PTPRD: variants seen among roughly 807,000 people sequenced by gnomAD.
PTPRD encodes the protein protein tyrosine phosphatase receptor type D, also known as receptor-type tyrosine-protein phosphatase delta.
PTPRD carries 34 observed loss-of-function variants against 214.5 expected under a neutral mutation model. The ratio of observed to expected loss-of-function variants is 0.16; its 90% CI spans 0.12 to 0.21. The LOEUF is 0.21. PTPRD is among the 10% of genes least tolerant of loss of function. PTPRD has a pLI of 1.00. For missense variants in PTPRD, 2,545 were observed against 2,398.7 expected (o/e 1.06, Z -1.27); for synonymous variants, 1,128 against 845.7 (o/e 1.33, Z -5.79).
chr9:9,955,525 TG>T (rs1193054892), intron 4 of PTPRD, among the ~76,000 whole-genome samples: 5 of 137,538 alleles, frequency 3.6e-5, no homozygotes, highest in South Asian at 2.4e-4. Context: ...TGTTTTGTTT[TG>T]TTTTTTTTTT....
chr9:10,197,754 G>T (rs772926656), intron 3 of PTPRD, among the ~76,000 whole-genome samples: 11 of 152,126 alleles, frequency 7.2e-5, no homozygotes, highest in South Asian at 4.1e-4. Context: ...TTATAGAGAA[G>T]AATTTTTATT....
At chr9:9,959,541 G>T (rs1363629617) in intron 4 of PTPRD, among the ~76,000 whole-genome samples, 1 of 152,064 alleles carries the variant, frequency 6.6e-6, no homozygotes, top group South Asian at 2.1e-4. Flanking sequence ...AACTTCCTAT[G>T]GCAAGAGAAT....
At chr9:9,669,266 T>G (rs1242855678) in intron 7 of PTPRD, among the ~76,000 whole-genome samples, 3 of 152,144 alleles carry the variant, frequency 2.0e-5, no homozygotes, top group Admixed American at 2.0e-4. Context: ...ACCTCTACAG[T>G]TGGCGAGATA....
At chr9:8,641,058 C>T (rs1257506515) in intron 12 of PTPRD, among the ~76,000 whole-genome samples, 1 of 148,364 alleles carries the variant, frequency 6.7e-6, no homozygotes, top group Non-Finnish European at 1.5e-5. Context: ...ACACACATCA[C>T]CCACTTCCCT....
intron 11 of PTPRD, chr9:8,963,210 C>G (rs752011790): frequency 5.3e-5 from 8 of 151,984 alleles, no homozygotes; most frequent in Non-Finnish European, 1.2e-4. Flanking sequence ...TTTGGGAATA[C>G]TTGATGAAAG....
chr9:10,425,960 C>T (rs1260430816), intron 2 of PTPRD, among the ~76,000 whole-genome samples: 2 of 151,812 alleles, frequency 1.3e-5, no homozygotes, highest in African/African-American at 2.4e-5. Context: ...AGAATATATA[C>T]ATATACACAC....
At chr9:10,517,007 T>C (rs568913223) in intron 2 of PTPRD, among the ~76,000 whole-genome samples, 1 of 152,156 alleles carries the variant, frequency 6.6e-6, no homozygotes, top group East Asian at 1.9e-4. Flanking sequence ...GGAATTTCAA[T>C]GCTTTCAATT....
chr9:8,613,923 T>C (rs1056943458), intron 14 of PTPRD, among the ~76,000 whole-genome samples: 2 of 151,840 alleles, frequency 1.3e-5, no homozygotes, highest in Non-Finnish European at 1.5e-5. Context: ...CTAGCTCTTA[T>C]CAAAGAAGAG....
intron 7 of PTPRD, among the ~76,000 whole-genome samples, chr9:9,582,846 G>C (rs1340864039): frequency 6.6e-6 from 1 of 151,878 alleles, no homozygotes; most frequent in Non-Finnish European, 1.5e-5. Flanking sequence ...TATAATCTTT[G>C]TCTTCCATTG....
intron 34 of PTPRD, among the ~76,000 whole-genome samples, chr9:8,445,606 C>T (rs918979182): frequency 7.2e-5 from 11 of 152,104 alleles, no homozygotes; most frequent in Non-Finnish European, 1.6e-4. Flanking sequence ...TAGATTGGTC[C>T]TAACACTATG....
chr9:8,674,666 C>T (rs2097363881), intron 12 of PTPRD, among the ~76,000 whole-genome samples: 1 of 152,054 alleles, frequency 6.6e-6, no homozygotes, highest in Non-Finnish European at 1.5e-5. Flanking sequence ...CTTCTAACAG[C>T]ACTTTTATAA....
At chr9:8,695,120 G>T (rs2154385277) in intron 12 of PTPRD, among the ~76,000 whole-genome samples, 1 of 152,148 alleles carries the variant, frequency 6.6e-6, no homozygotes. Context: ...CCTTAGACTG[G>T]TTCCTCTCAT....
chr9:9,460,083 G>T (rs149236160), intron 8 of PTPRD, among the ~76,000 whole-genome samples: 1 of 151,974 alleles, frequency 6.6e-6, no homozygotes, highest in African/African-American at 2.4e-5. Flanking sequence ...TGACAAAAAT[G>T]AACAATGGGG....
At chr9:9,694,500 G>T (rs553101830) in intron 7 of PTPRD, among the ~76,000 whole-genome samples, 9 of 152,060 alleles carry the variant, frequency 5.9e-5, no homozygotes, top group Admixed American at 5.2e-4. Context: ...ACTGTGCTGG[G>T]TCAGATCTGA....
chr9:10,364,818 G>T (rs547724313), intron 2 of PTPRD, among the ~76,000 whole-genome samples: 2 of 152,000 alleles, frequency 1.3e-5, no homozygotes, highest in Non-Finnish European at 2.9e-5. Context: ...ATTACCATAC[G>T]ATATCTATAT....
intron 9 of PTPRD, among the ~76,000 whole-genome samples, chr9:9,344,297 G>A (rs1426424587): frequency 6.6e-6 from 1 of 151,826 alleles, no homozygotes; most frequent in African/African-American, 2.4e-5. Context: ...TGGACACAGG[G>A]AGGGGGCATC....
chr9:10,110,571 T>C (rs2098681782), intron 3 of PTPRD, among the ~76,000 whole-genome samples: 1 of 152,138 alleles, frequency 6.6e-6, no homozygotes, highest in Non-Finnish European at 1.5e-5. Context: ...TGAGAAAGTT[T>C]GGTTGCCTGA....
chr9:9,000,494 C>G (rs553853105), intron 11 of PTPRD, among the ~76,000 whole-genome samples: 1 of 151,932 alleles, frequency 6.6e-6, no homozygotes, highest in East Asian at 1.9e-4. Context: ...CTTTAAGAAA[C>G]TTTAACCTAT....
chr9:10,444,567 T>A (rs59499711), intron 2 of PTPRD, among the ~76,000 whole-genome samples: 1,543 of 151,892 alleles, frequency 0.01, 22 homozygotes, highest in African/African-American at 0.029. Flanking sequence ...GAATGAATAT[T>A]CCACTAAAGA....
Sources: gnomAD v4.1 joint callset for allele counts (sites outside exome capture counted in the v4.1 genomes callset) on GRCh38, gnomAD v4.1.1 for gene constraint, MANE v1.5 for transcripts, NCBI Gene and HGNC (gene_info 2026-07-23, HGNC 2026-07-21) for gene names.